Variants in VAV3 observed in about 807,000 individuals in gnomAD.
The protein encoded by VAV3 is guanine nucleotide exchange factor VAV3.
Under a neutral mutation model 131.2 loss-of-function variants are expected in VAV3, and 94 were observed. That is an observed-to-expected ratio of 0.72 (90% CI 0.61 to 0.85). The LOEUF (loss-of-function observed/expected upper bound fraction) is 0.85, where lower values mean the gene tolerates loss of function less well. Among genes scored for constraint, VAV3 ranks in the 40% least tolerant of loss-of-function variants. VAV3 has a pLI of 0.00. For missense variants in VAV3, 939 were observed against 1,002.7 expected (o/e 0.94, Z 0.86); for synonymous variants, 349 against 342.0 (o/e 1.02, Z -0.22).
chr1:107,650,015 G>T (rs1656035534), intron 19 of VAV3, among the ~76,000 whole-genome samples: 1 of 152,064 alleles, frequency 6.6e-6, no homozygotes, highest in East Asian at 1.9e-4. Context: ...CTTTATTTAA[G>T]GGTAGGCCAT....
At chr1:107,959,505 A>G (rs1281402221) in intron 1 of VAV3, among the ~76,000 whole-genome samples, 1 of 151,956 alleles carries the variant, frequency 6.6e-6, no homozygotes, top group Non-Finnish European at 1.5e-5. Flanking sequence ...TCCTTATTTC[A>G]CTTGATCAGC....
At position 107,602,475 on chromosome 1, in the gene VAV3, A is replaced by G. The variant is rs1651938117; in HGVS notation, c.2142T>C (p.Asn714=). Residue 714 remains asparagine, a synonymous_variant, in exon 24 of 27, where the codon AAT becomes AAC. Coordinates refer to ENST00000370056, the MANE Select transcript of VAV3 (RefSeq NM_006113.5). ...GEYAISIKYN[N]EAKHIKILTR... Reference sequence around the variant, plus strand: ...TTAAAATCTTGATGTGCTTTGCTTCATTATTGTACCTGTGGGCAATGAATA... The same window carrying G: ...TTAAAATCTTGATGTGCTTTGCTTCGTTATTGTACCTGTGGGCAATGAATA... The G allele has an allele frequency of 5.7e-6, 9 of 1,570,992 alleles. No homozygotes were observed. Among genetic ancestry groups the G allele is most frequent in the African/African-American group, 1.4e-5 (1 of 71,576 alleles).
chr1:107,808,030 A>G (rs923199188), intron 2 of VAV3, among the ~76,000 whole-genome samples: 1 of 152,190 alleles, frequency 6.6e-6, no homozygotes, highest in Non-Finnish European at 1.5e-5. Context: ...AACCTGACCA[A>G]TGATGATTGA....
At chr1:107,787,388 T>C (rs10494074) in intron 2 of VAV3, among the ~76,000 whole-genome samples, 23,977 of 152,170 alleles carry the variant, frequency 0.16, 2,239 homozygotes, top group East Asian at 0.38. Flanking sequence ...TGAAGGGTAC[T>C]GAGGGAAAAC....
intron 19 of VAV3, 96 bp downstream of exon 19, chr1:107,683,392 G>C: frequency 1.4e-6 from 2 of 1,417,508 alleles, no homozygotes; most frequent in Non-Finnish European, 2.0e-6. Context: ...AGGAACAAAG[G>C]CCAACAATAT....
intron 9 of VAV3, among the ~76,000 whole-genome samples, chr1:107,763,329 C>T (rs1388674749): frequency 6.6e-6 from 1 of 152,144 alleles, no homozygotes; most frequent in East Asian, 1.9e-4. Flanking sequence ...CTTAGAGTCC[C>T]AGAGTATGGT....
intron 8 of VAV3, 69 bp downstream of exon 8, chr1:107,766,378 G>T: frequency 9.8e-7 from 1 of 1,019,002 alleles, no homozygotes. Context: ...CTATTTGTTA[G>T]CTATTTTAAT....
intron 1 of VAV3, among the ~76,000 whole-genome samples, chr1:107,882,415 G>A (rs1391667499): frequency 1.3e-5 from 2 of 152,050 alleles, no homozygotes; most frequent in African/African-American, 4.8e-5. Flanking sequence ...TGGCAGTTTC[G>A]AAAGGCACAG....
intron 17 of VAV3, among the ~76,000 whole-genome samples, chr1:107,689,050 C>G (rs1557764549): frequency 6.6e-6 from 1 of 152,086 alleles, no homozygotes; most frequent in Non-Finnish European, 1.5e-5. Context: ...CTGCAAATGC[C>G]TAATGGTTAT....
intron 19 of VAV3, among the ~76,000 whole-genome samples, chr1:107,649,656 C>G (rs1431585739): frequency 1.3e-5 from 2 of 152,050 alleles, no homozygotes; most frequent in African/African-American, 4.8e-5. Context: ...GAACCATTAT[C>G]AGTCCACTCA....
At chr1:107,854,875 G>A (rs1450554280) in intron 2 of VAV3, among the ~76,000 whole-genome samples, 1 of 152,178 alleles carries the variant, frequency 6.6e-6, no homozygotes, top group East Asian at 1.9e-4. Context: ...ACATGCTAAA[G>A]TTTAATTTCA....
intron 2 of VAV3, among the ~76,000 whole-genome samples, chr1:107,799,421 T>G (rs1666724140): frequency 6.6e-6 from 1 of 151,696 alleles, no homozygotes; most frequent in African/African-American, 2.4e-5. Flanking sequence ...CATATCCATA[T>G]TTGTAAGAAT....
At chr1:107,649,218 C>T (rs572539349) in intron 19 of VAV3, among the ~76,000 whole-genome samples, 2 of 152,140 alleles carry the variant, frequency 1.3e-5, no homozygotes, top group African/African-American at 4.8e-5. Flanking sequence ...TTATTCTGCT[C>T]ATCTGACTAC....
At chr1:107,735,591 A>G (rs1662567405) in intron 15 of VAV3, among the ~76,000 whole-genome samples, 1 of 151,600 alleles carries the variant, frequency 6.6e-6, no homozygotes, top group African/African-American at 2.4e-5. Flanking sequence ...CTACGCAAAT[A>G]AACTAGAAAA....
At chr1:107,589,603 T>C (rs972069654) in intron 25 of VAV3, among the ~76,000 whole-genome samples, 16 of 152,220 alleles carry the variant, frequency 1.1e-4, no homozygotes, top group Admixed American at 9.2e-4. Context: ...GATAATTTTA[T>C]AGCAGTACTA....
intron 20 of VAV3, among the ~76,000 whole-genome samples, chr1:107,619,336 G>T (rs994385315): frequency 6.6e-6 from 1 of 152,196 alleles, no homozygotes; most frequent in African/African-American, 2.4e-5. Flanking sequence ...AGGAATCAGA[G>T]ACCTGGGAGG....
intron 19 of VAV3, among the ~76,000 whole-genome samples, chr1:107,667,706 T>C (rs899292498): frequency 6.6e-6 from 1 of 152,098 alleles, no homozygotes; most frequent in Non-Finnish European, 1.5e-5. Flanking sequence ...CAAATCTTAA[T>C]GAAGACATTA....
chr1:107,880,671 C>A (rs1218308393), intron 1 of VAV3, among the ~76,000 whole-genome samples: 4 of 152,006 alleles, frequency 2.6e-5, no homozygotes, highest in Non-Finnish European at 5.9e-5. Flanking sequence ...TGGCACACAC[C>A]TATGGTCCCA....
intron 2 of VAV3, among the ~76,000 whole-genome samples, chr1:107,874,618 G>A (rs948159926): frequency 2.0e-5 from 3 of 152,004 alleles, no homozygotes; most frequent in South Asian, 2.1e-4. Context: ...AATTATCTCT[G>A]GAGAAAAGAT....
Sources: gnomAD v4.1 joint callset for allele counts (sites outside exome capture counted in the v4.1 genomes callset) on GRCh38, gnomAD v4.1.1 for gene constraint, MANE v1.5 for transcripts, NCBI Gene and HGNC (gene_info 2026-07-23, HGNC 2026-07-21) for gene names.